The following THSD7A variants were observed in gnomAD, a reference collection of about 807,000 sequenced individuals.
The protein encoded by THSD7A is thrombospondin type 1 domain containing 7A, also known as thrombospondin type-1 domain-containing protein 7A.
A neutral mutation model predicts 231.3 loss-of-function variants in THSD7A; 96 were observed. The observed-to-expected ratio is 0.41, with a 90% CI of 0.35 to 0.49. THSD7A has a LOEUF of 0.49. THSD7A is among the 20% of genes least tolerant of loss of function. THSD7A has a pLI of 0.05. For missense variants in THSD7A, 2,290 were observed against 2,070.2 expected (o/e 1.11, Z -2.06); for synonymous variants, 940 against 743.3 (o/e 1.26, Z -4.30).
intron 1 of THSD7A, among the ~76,000 whole-genome samples, chr7:11,666,978 T>C (rs1173030344): frequency 1.3e-5 from 2 of 152,146 alleles, no homozygotes; most frequent in African/African-American, 4.8e-5. Context: ...ATAGCACTCT[T>C]TAGTTTTTTT....
intron 1 of THSD7A, among the ~76,000 whole-genome samples, chr7:11,787,553 T>A (rs928123098): frequency 2.6e-5 from 4 of 151,768 alleles, no homozygotes; most frequent in African/African-American, 9.7e-5. Flanking sequence ...CTCTTAAAGC[T>A]CAACAATAAG....
At chr7:11,501,022 A>AGG (rs1183448942) in intron 6 of THSD7A, among the ~76,000 whole-genome samples, 1 of 152,074 alleles carries the variant, frequency 6.6e-6, no homozygotes, top group Non-Finnish European at 1.5e-5. Context: ...GATAAAAAAA[A>AGG]AAGACAAGGA....
chr7:11,715,814 G>T (rs1300045433), intron 1 of THSD7A, among the ~76,000 whole-genome samples: 1 of 151,438 alleles, frequency 6.6e-6, no homozygotes, highest in Non-Finnish European at 1.5e-5. Flanking sequence ...TTTCCAGAGG[G>T]ATGAAAAACA....
chr7:11,736,965 C>A (rs140819587), intron 1 of THSD7A, among the ~76,000 whole-genome samples: 1 of 152,054 alleles, frequency 6.6e-6, no homozygotes, highest in Non-Finnish European at 1.5e-5. Context: ...TAAAAGACTT[C>A]CTCCTTCTCT....
rs556414250 is a variant in THSD7A at position 11,500,585 on chromosome 7, T to C, written c.1823-18603A>G. On this transcript the variant is annotated intron_variant, in intron 6 of 27. Coordinates refer to ENST00000423059, the MANE Select transcript of THSD7A (RefSeq NM_015204.3). The stretch of plus-strand genomic sequence containing the variant: ...TTCAAGAGGCCCATTTCAGATATAA[T>C]GACACTTGTAGGCTCAAAATAAAGG... Among the ~76,000 whole-genome samples the C allele has an allele frequency of 1.3e-4, 19 of 151,964 alleles. No homozygotes were observed. In the East Asian group the frequency reaches 3.3e-3, roughly 26 times the overall value.
intron 6 of THSD7A, among the ~76,000 whole-genome samples, chr7:11,509,766 G>A (rs1384413907): frequency 2.2e-5 from 3 of 134,500 alleles, no homozygotes; most frequent in Non-Finnish European, 4.7e-5. Flanking sequence ...AGCTTGCAGT[G>A]AGCCGAGATC....
intron 1 of THSD7A, among the ~76,000 whole-genome samples, chr7:11,742,343 T>G (rs1782142063): frequency 6.6e-6 from 1 of 151,942 alleles, no homozygotes; most frequent in South Asian, 2.1e-4. Context: ...ATTCAATTAG[T>G]AAAAACAAAC....
intron 4 of THSD7A, among the ~76,000 whole-genome samples, chr7:11,545,169 T>C (rs1313732559): frequency 6.6e-6 from 1 of 152,172 alleles, no homozygotes; most frequent in African/African-American, 2.4e-5. Flanking sequence ...TAATGATTTT[T>C]ACTTATGGAA....
chr7:11,653,551 T>A (rs564154400), intron 1 of THSD7A, among the ~76,000 whole-genome samples: 2 of 150,862 alleles, frequency 1.3e-5, no homozygotes, highest in South Asian at 4.2e-4. Flanking sequence ...GCAGTGAGTA[T>A]TCACAGGTGC....
chr7:11,386,163 G>T (rs186512287), intron 23 of THSD7A, among the ~76,000 whole-genome samples: 22 of 152,274 alleles, frequency 1.4e-4, no homozygotes, highest in African/African-American at 4.3e-4. Flanking sequence ...TGTGAACAGT[G>T]CTGCAATAAA....
intron 1 of THSD7A, among the ~76,000 whole-genome samples, chr7:11,750,795 C>A (rs1782475777): frequency 6.6e-6 from 1 of 151,950 alleles, no homozygotes; most frequent in African/African-American, 2.4e-5. Flanking sequence ...AGCTTAGCAT[C>A]CCTTTTGGGC....
At position 11,445,926 on chromosome 7, in the gene THSD7A, G is replaced by A. The variant is rs1784954594; in HGVS notation, c.3064+135C>T. The A allele has an allele frequency of 6.5e-6, 7 of 1,076,136 alleles. No individual in the cohort carries two copies. The South Asian group carries it at 8.7e-5, about 13-fold the overall frequency. The allele number at this position is 1,076,136 out of a possible 1,614,324, so 66.7% of individuals were successfully genotyped here. A position where few individuals can be genotyped will look rare whatever the true frequency, so the allele number is the denominator to read the frequency against. Reference sequence around the variant, plus strand: ...GTCCTGTTACATATAAATGATATATGTATAGTGTGGTGCTTCAGAGTTTAA... The same window carrying A: ...GTCCTGTTACATATAAATGATATATATATAGTGTGGTGCTTCAGAGTTTAA... On this transcript the variant is annotated intron_variant, in intron 13 of 27. Transcript: ENST00000423059.
intron 1 of THSD7A, among the ~76,000 whole-genome samples, chr7:11,727,986 A>C (rs975818411): frequency 6.6e-6 from 1 of 151,914 alleles, no homozygotes; most frequent in African/African-American, 2.4e-5. Flanking sequence ...AAGCTTCCTA[A>C]GGTGTTTGTA....
chr7:11,407,467 G>C, intron 19 of THSD7A, 44 bp from the exon 20 acceptor site: 1 of 1,450,996 alleles, frequency 6.9e-7, no homozygotes, highest in South Asian at 1.2e-5. Context: ...GTAAATTGGG[G>C]GAGGGAGCCA....
chr7:11,823,664 T>A (rs1176676658), intron 1 of THSD7A, among the ~76,000 whole-genome samples: 1 of 152,006 alleles, frequency 6.6e-6, no homozygotes, highest in East Asian at 1.9e-4. Flanking sequence ...TTGAAGAGAT[T>A]ATACATGTCT....
At chr7:11,785,959 C>A (rs1373713709) in intron 1 of THSD7A, among the ~76,000 whole-genome samples, 1 of 152,074 alleles carries the variant, frequency 6.6e-6, no homozygotes, top group Non-Finnish European at 1.5e-5. Flanking sequence ...GATCTCATTT[C>A]CTATTTCAAT....
intron 1 of THSD7A, among the ~76,000 whole-genome samples, chr7:11,639,738 T>A (rs1444251510): frequency 1.3e-5 from 2 of 152,170 alleles, no homozygotes; most frequent in African/African-American, 4.8e-5. Flanking sequence ...AATGTTTTAT[T>A]ATAGAAATCT....
chr7:11,554,724 C>T (rs1789773201), intron 4 of THSD7A, among the ~76,000 whole-genome samples: 1 of 151,830 alleles, frequency 6.6e-6, no homozygotes, highest in African/African-American at 2.4e-5. Flanking sequence ...ATGTATGAGG[C>T]ATTTTGGTCT....
intron 7 of THSD7A, among the ~76,000 whole-genome samples, chr7:11,480,311 C>T (rs1035581345): frequency 2.0e-5 from 3 of 152,108 alleles, no homozygotes; most frequent in Non-Finnish European, 4.4e-5. Flanking sequence ...GTTCTGCAAG[C>T]ATGGCAAAAT....
Sources: allele counts gnomAD v4.1 joint callset (sites outside exome capture counted in the v4.1 genomes callset), GRCh38; gene constraint gnomAD v4.1.1; transcripts MANE v1.5; gene names NCBI Gene and HGNC (gene_info 2026-07-23, HGNC 2026-07-21).